The following POC1A variants were observed in gnomAD, a reference collection of about 807,000 sequenced individuals.
The protein encoded by POC1A is POC1 centriolar protein homolog A.
Under a neutral mutation model 47.8 loss-of-function variants are expected in POC1A, and 34 were observed. The ratio of observed to expected loss-of-function variants is 0.71; its 90% CI spans 0.54 to 0.95. The LOEUF (loss-of-function observed/expected upper bound fraction) is 0.95. Among genes scored for constraint, POC1A ranks in the 40% least tolerant of loss-of-function variants. POC1A has a pLI of 0.00. For synonymous variants in POC1A, 177 were observed against 207.6 expected, an observed-to-expected ratio of 0.85 and a Z score of 1.27; for missense variants, 466 against 528.3, an observed-to-expected ratio of 0.88 and a Z score of 1.16.
At chr3:52,153,105 A>G (rs1272432311) in intron 1 of POC1A, among the ~76,000 whole-genome samples, 1 of 152,236 alleles carries the variant, frequency 6.6e-6, no homozygotes, top group Non-Finnish European at 1.5e-5. Context: ...TTACAGTTGC[A>G]CAACACTGTG....
chr3:52,085,403 T>A (rs932642972), intron 10 of POC1A, among the ~76,000 whole-genome samples: 4 of 152,198 alleles, frequency 2.6e-5, no homozygotes, highest in African/African-American at 9.7e-5. Flanking sequence ...GCCTCCTCAC[T>A]GCTTCTCCGT....
chr3:52,111,007 C>A (rs542042043), intron 9 of POC1A, among the ~76,000 whole-genome samples: 10 of 152,328 alleles, frequency 6.6e-5, no homozygotes, highest in African/African-American at 2.4e-4. Flanking sequence ...GAGCTGGACC[C>A]AAGGGCCTCC....
chr3:52,114,582 G>A (rs1703495670), intron 9 of POC1A, among the ~76,000 whole-genome samples: 1 of 152,128 alleles, frequency 6.6e-6, no homozygotes, highest in African/African-American at 2.4e-5. Flanking sequence ...CTCTTTTCCA[G>A]TCAGGGGTCT....
In POC1A at chr3:52,122,478, C is replaced by T. The variant is rs140125240; in HGVS notation, c.883-1G>A. 1.9e-6 allele frequency: 3 copies of T among 1,588,476 alleles called. No homozygotes were observed. The highest frequency in any genetic ancestry group is 1.3e-5 in the African/African-American group (1 of 74,440). On this transcript the variant is annotated splice_acceptor_variant, in intron 8 of 10. Transcript: ENST00000296484. LOFTEE classifies it high-confidence loss of function. Reference sequence around the variant, plus strand: ...CAAAGTTACTCTTCCAAACCATCACCTGCCAAAACCAACAGGCACACCAAG... The same window carrying T: ...CAAAGTTACTCTTCCAAACCATCACTTGCCAAAACCAACAGGCACACCAAG...
At chr3:52,144,591 G>A (rs1698305592) in intron 6 of POC1A, among the ~76,000 whole-genome samples, 2 of 152,112 alleles carry the variant, frequency 1.3e-5, no homozygotes, top group Non-Finnish European at 2.9e-5. Context: ...TTTTGTGCCA[G>A]CCACCCTCTC....
At chr3:52,134,423 G>A (rs536648441) in intron 7 of POC1A, among the ~76,000 whole-genome samples, 16 of 152,308 alleles carry the variant, frequency 1.1e-4, no homozygotes, top group African/African-American at 3.4e-4. Context: ...CCTGAGGTCA[G>A]GAGTTTGAGA....
At chr3:52,152,443 G>A (rs1334654050) in intron 1 of POC1A, among the ~76,000 whole-genome samples, 3 of 152,092 alleles carry the variant, frequency 2.0e-5, no homozygotes, top group Middle Eastern at 3.4e-3. Context: ...GGTGGTGGGC[G>A]CCTATAGTCC....
chr3:52,096,466 T>C, intron 10 of POC1A, 103 bp downstream of exon 10: 17 of 1,012,714 alleles, frequency 1.7e-5, no homozygotes, highest in East Asian at 2.7e-5. Context: ...CCGTTATAAT[T>C]ATGTTTTTAA....
At chr3:52,138,463 T>C (rs1019943186) in intron 6 of POC1A, among the ~76,000 whole-genome samples, 161 bp from the exon 7 acceptor site, 1 of 152,140 alleles carries the variant, frequency 6.6e-6, no homozygotes, top group Non-Finnish European at 1.5e-5. Context: ...CAACAAGGAT[T>C]TCCCAGGAGA....
chr3:52,083,390 G>C (rs539595620), intron 10 of POC1A, among the ~76,000 whole-genome samples: 1 of 152,108 alleles, frequency 6.6e-6, no homozygotes, highest in Middle Eastern at 3.2e-3. Flanking sequence ...GTGGAGTGAC[G>C]TACAGTCCCT....
intron 6 of POC1A, among the ~76,000 whole-genome samples, chr3:52,141,199 T>G (rs1392267733): frequency 6.6e-6 from 1 of 152,140 alleles, no homozygotes; most frequent in African/African-American, 2.4e-5. Flanking sequence ...TTGTGGGCAG[T>G]AGGTGGTCTA....
chr3:52,088,953 C>T (rs1186781026), intron 10 of POC1A, among the ~76,000 whole-genome samples: 1 of 149,510 alleles, frequency 6.7e-6, no homozygotes, highest in Non-Finnish European at 1.5e-5. Context: ...TTCCCAGGCC[C>T]CAGAGATAAC....
At chr3:52,112,109 G>A (rs1031199294) in intron 9 of POC1A, among the ~76,000 whole-genome samples, 10 of 152,148 alleles carry the variant, frequency 6.6e-5, no homozygotes, top group African/African-American at 2.2e-4. Flanking sequence ...CTTGGTAGAT[G>A]CCTTTGGGTT....
intron 10 of POC1A, among the ~76,000 whole-genome samples, chr3:52,083,572 G>A (rs901211025): frequency 6.6e-6 from 1 of 152,106 alleles, no homozygotes; most frequent in Non-Finnish European, 1.5e-5. Flanking sequence ...CTTGAGGTGG[G>A]CTTGTCCTGC....
In POC1A at chr3:52,124,129, C is replaced by G. The variant is rs145529873; in HGVS notation, c.882+984G>C. Among the ~76,000 whole-genome samples, 293 of 152,314 alleles carry G rather than the reference C, an allele frequency of 1.9e-3. 2 individuals are homozygous for G. The highest frequency in any genetic ancestry group is 6.5e-3 in the African/African-American group (272 of 41,574). Reference sequence around the variant, plus strand: ...AATAGGACTTTTCTAGGCTGAGCAGCCAGAACTAAGAGACTGGGCAGTAGT... The same window carrying G: ...AATAGGACTTTTCTAGGCTGAGCAGGCAGAACTAAGAGACTGGGCAGTAGT... On this transcript the variant is annotated intron_variant, in intron 8 of 10. Transcript: ENST00000296484.
chr3:52,129,845 T>G (rs561886343), intron 7 of POC1A, among the ~76,000 whole-genome samples: 1 of 152,348 alleles, frequency 6.6e-6, no homozygotes, highest in South Asian at 2.1e-4. Context: ...TTACCACACA[T>G]CATCTTCTGT....
chr3:52,136,645 AC>A (rs1436814853), intron 7 of POC1A, among the ~76,000 whole-genome samples: 1 of 152,070 alleles, frequency 6.6e-6, no homozygotes, highest in African/African-American at 2.4e-5. Context: ...CCCTATCCAC[AC>A]CCCAAACCAT....
chr3:52,122,707 G>A (rs1703833449), intron 8 of POC1A, among the ~76,000 whole-genome samples: 2 of 152,226 alleles, frequency 1.3e-5, no homozygotes, highest in Non-Finnish European at 1.5e-5. Context: ...CTACCACGGC[G>A]TGGCACCGCC....
chr3:52,113,914 A>G (rs1378766456), intron 9 of POC1A, among the ~76,000 whole-genome samples: 2 of 152,238 alleles, frequency 1.3e-5, no homozygotes, highest in East Asian at 3.8e-4. Context: ...TGCCACCCAA[A>G]GCAAAGGCTG....
Sources: gnomAD v4.1 joint callset for allele counts (sites outside exome capture counted in the v4.1 genomes callset) on GRCh38, gnomAD v4.1.1 for gene constraint, MANE v1.5 for transcripts, NCBI Gene and HGNC (gene_info 2026-07-23, HGNC 2026-07-21) for gene names.